DPY19L1: variants seen among roughly 807,000 people sequenced by gnomAD.
The protein encoded by DPY19L1 is dpy-19 like C-mannosyltransferase 1.
Under a neutral mutation model 96.9 loss-of-function variants are expected in DPY19L1, and 35 were observed. The observed-to-expected ratio is 0.36, with a 90% CI of 0.28 to 0.48. The LOEUF (loss-of-function observed/expected upper bound fraction) is 0.48. Ranked by LOEUF, DPY19L1 falls within the 20% of genes least tolerant of loss-of-function variation. DPY19L1 has a pLI of 0.99. For missense variants in DPY19L1, 521 were observed against 777.9 expected, an observed-to-expected ratio of 0.67 and a Z score of 3.93; for synonymous variants, 205 against 252.6, an observed-to-expected ratio of 0.81 and a Z score of 1.79.
chr7:34,933,118 A>G (rs1783789872), intron 21 of DPY19L1, among the ~76,000 whole-genome samples: 1 of 152,142 alleles, frequency 6.6e-6, no homozygotes, highest in Admixed American at 6.5e-5. Context: ...ACAATCCAGC[A>G]TATATCCTGC....
At chr7:34,941,181 A>G (rs1268740596) in intron 18 of DPY19L1, among the ~76,000 whole-genome samples, 1 of 152,154 alleles carries the variant, frequency 6.6e-6, no homozygotes, top group Non-Finnish European at 1.5e-5. Context: ...TGCTACGTCT[A>G]AGGGAGGTGC....
At chr7:34,959,859 A>G (rs1036858144) in intron 10 of DPY19L1, among the ~76,000 whole-genome samples, 2 of 146,152 alleles carry the variant, frequency 1.4e-5, no homozygotes, top group South Asian at 2.1e-4. Flanking sequence ...AACTTAAAGT[A>G]TATATATATA....
chr7:34,940,320 C>A lies in DPY19L1; in HGVS notation c.1697G>T (p.Gly566Val). The A allele has an allele frequency of 6.2e-7, 1 of 1,604,728 alleles. No homozygotes were observed. The highest frequency in any genetic ancestry group is 1.7e-5 in the Admixed American group (1 of 58,862). ...ASLICSRQLFGWLFCKVHPGA... is the reference protein window; with the variant it reads ...ASLICSRQLFVWLFCKVHPGA... ...AGGATGTACTTTGCAAAAGAGCCAT[C>A]CAAATAGCTGAAACCAAATTAAGAA... Residue 566 changes from glycine to valine, a missense_variant, in exon 19 of 22, where the codon GGA becomes GTA. Physicochemically the swap from Gly to Val is moderately radical, Grantham distance 109. Transcript: ENST00000638088.
At chr7:34,936,562 T>A (rs1783872336) in intron 21 of DPY19L1, among the ~76,000 whole-genome samples, 1 of 152,264 alleles carries the variant, frequency 6.6e-6, no homozygotes, top group Admixed American at 6.5e-5. Context: ...AGCCTATCAT[T>A]CATTTCATAT....
intron 13 of DPY19L1, among the ~76,000 whole-genome samples, chr7:34,954,072 C>T (rs1205605620): frequency 5.9e-5 from 9 of 152,108 alleles, no homozygotes; most frequent in Non-Finnish European, 5.9e-5. Flanking sequence ...TCTTGTGCTG[C>T]TTTTTTAAAT....
At chr7:34,963,023 C>T (rs903962429) in intron 10 of DPY19L1, among the ~76,000 whole-genome samples, 2 of 151,854 alleles carry the variant, frequency 1.3e-5, no homozygotes, top group African/African-American at 4.8e-5. Flanking sequence ...GGTGAACCCT[C>T]ATCTCTATTA....
chr7:34,938,140 G>A lies in DPY19L1; in HGVS notation c.1965-21C>T, dbSNP rs749063352. 3.1e-6 allele frequency: 5 copies of A among 1,608,402 alleles called. 1 individual carries two copies. In the South Asian group the frequency reaches 3.3e-5, roughly 11 times the overall value. On this transcript the variant is annotated intron_variant, in intron 20 of 21. Transcript: ENST00000638088. ...TGGCTCTTTAAAGAAAAATAATTGG[G>A]CATAAAATTTTCAAGACTAAAACGA... is the stretch of plus-strand genomic sequence containing the variant.
At chr7:34,984,192 T>C (rs1056501437) in intron 7 of DPY19L1, among the ~76,000 whole-genome samples, 3 of 152,180 alleles carry the variant, frequency 2.0e-5, no homozygotes, top group Admixed American at 6.6e-5. Context: ...CTAAATAAAA[T>C]TCTTAAAACT....
At chr7:34,994,462 A>T (rs1296378323) in intron 6 of DPY19L1, among the ~76,000 whole-genome samples, 1 of 152,212 alleles carries the variant, frequency 6.6e-6, no homozygotes, top group Non-Finnish European at 1.5e-5. Flanking sequence ...TAATAACTTT[A>T]ATTTTCTAAA....
chr7:34,963,130 G>A (rs182052898), intron 10 of DPY19L1, among the ~76,000 whole-genome samples: 1,829 of 149,924 alleles, frequency 0.012, 10 homozygotes, highest in Middle Eastern at 0.021. Flanking sequence ...GGGAGGCGGA[G>A]GTTGCAGTGA....
chr7:35,024,076 TC>T (rs1294329901), intron 1 of DPY19L1, among the ~76,000 whole-genome samples: 2 of 152,000 alleles, frequency 1.3e-5, no homozygotes, highest in Admixed American at 6.5e-5. Context: ...GGCCTTGTGA[TC>T]CCCCCGCCTC....
At chr7:34,944,864 C>T (rs539805841) in intron 16 of DPY19L1, among the ~76,000 whole-genome samples, 1 of 152,300 alleles carries the variant, frequency 6.6e-6, no homozygotes, top group East Asian at 1.9e-4. Context: ...CCAAACTTCC[C>T]TCCCATCTAC....
At chr7:34,937,389 A>G (rs1224865970) in intron 21 of DPY19L1, among the ~76,000 whole-genome samples, 1 of 152,212 alleles carries the variant, frequency 6.6e-6, no homozygotes, top group African/African-American at 2.4e-5. Context: ...CCTGGTGCTC[A>G]GCTGCCTGAC....
At chr7:35,020,470 G>C (rs1363118140) in intron 1 of DPY19L1, among the ~76,000 whole-genome samples, 2 of 152,070 alleles carry the variant, frequency 1.3e-5, no homozygotes, top group Non-Finnish European at 2.9e-5. Context: ...TTTTTCGATA[G>C]TCCTTGAGAA....
Position 34,989,934 on chromosome 7 carries a change from G to A in DPY19L1, c.772C>T (p.Arg258Ter), listed in dbSNP as rs1351363900. 3.1e-6 allele frequency: 5 copies of A among 1,606,630 alleles called. No homozygotes were observed. The highest frequency in any genetic ancestry group is 1.7e-5 in the Admixed American group (1 of 58,618). The part of the protein sequence containing the change: ...FIYGTYLSGS[R>*]LGGLVTVLCF... ...AACACTGTAACCAGGCCTCCTAATC[G>A]GCTGCCACTGGAAAAGAAGAAAACA... Residue 258 changes from arginine (R) to a stop codon, truncating the protein, a stop_gained, in exon 7 of 22, where the codon CGA becomes TGA. Transcript: ENST00000638088. LOFTEE classifies it high-confidence loss of function.
intron 14 of DPY19L1, 37 bp downstream of exon 14, chr7:34,949,760 A>T (rs529825976): frequency 7.2e-7 from 1 of 1,383,450 alleles, no homozygotes; most frequent in South Asian, 1.2e-5. Flanking sequence ...TGTATGGGCC[A>T]AAACCTTAGG....
chr7:34,998,308 G>C (rs778074743), intron 6 of DPY19L1, among the ~76,000 whole-genome samples: 33 of 152,316 alleles, frequency 2.2e-4, no homozygotes, highest in Non-Finnish European at 3.4e-4. Flanking sequence ...ATTCAAAAGA[G>C]GGGGAGGAGA....
At chr7:34,996,999 G>A (rs1392797941) in intron 6 of DPY19L1, among the ~76,000 whole-genome samples, 1 of 152,150 alleles carries the variant, frequency 6.6e-6, no homozygotes, top group African/African-American at 2.4e-5. Context: ...ATACTCTGAA[G>A]CAGGACAGTA....
chr7:34,976,847 A>G (rs1451948250), intron 7 of DPY19L1, among the ~76,000 whole-genome samples: 3 of 152,112 alleles, frequency 2.0e-5, no homozygotes, highest in Non-Finnish European at 2.9e-5. Flanking sequence ...ACAGCTGTGC[A>G]ATTTCGGCTC....
Sources: gnomAD v4.1 joint callset for allele counts (sites outside exome capture counted in the v4.1 genomes callset) on GRCh38, gnomAD v4.1.1 for gene constraint, MANE v1.5 for transcripts, NCBI Gene and HGNC (gene_info 2026-07-23, HGNC 2026-07-21) for gene names.